The following CACNA2D2 variants were observed in gnomAD, a reference collection of about 807,000 sequenced individuals.
CACNA2D2 encodes the protein voltage-dependent calcium channel subunit alpha-2/delta-2.
CACNA2D2 carries 48 observed loss-of-function variants against 166.4 expected under a neutral mutation model. That is an observed-to-expected ratio of 0.29 (90% confidence interval 0.23 to 0.37). CACNA2D2 has a LOEUF of 0.37. Among genes scored for constraint, CACNA2D2 ranks in the 10% least tolerant of loss-of-function variants. CACNA2D2 has a pLI of 1.00. For missense variants in CACNA2D2, 1,122 were observed against 1,433.0 expected (o/e 0.78, Z 3.50); for synonymous variants, 561 against 573.7 (o/e 0.98, Z 0.32).
At chr3:50,459,877 T>C (rs543463799) in intron 2 of CACNA2D2, among the ~76,000 whole-genome samples, 17 of 152,052 alleles carry the variant, frequency 1.1e-4, no homozygotes, top group Non-Finnish European at 1.6e-4. Context: ...TTCCCAACCA[T>C]CCCATTGATT....
intron 37 of CACNA2D2, 25 bp downstream of exon 37, chr3:50,364,863 C>T (rs1186281132): frequency 8.1e-6 from 13 of 1,613,286 alleles, no homozygotes; most frequent in South Asian, 1.1e-5. Context: ...CGCGGGATTT[C>T]GGGTCCACCG....
In CACNA2D2 at chr3:50,379,464, C is replaced by T. The variant is rs919118587; in HGVS notation, c.1120G>A (p.Gly374Ser). Residue 374 changes from glycine to serine, a missense_variant, in exon 11 of 38, where the codon GGC (glycine) becomes AGC (serine). Physicochemically the swap from Gly to Ser is moderately conservative, Grantham distance 56. Around this residue, in one of 2 missense-constraint regions of CACNA2D2, gnomAD observed 840 missense variants for 1,166.8 expected, o/e 0.72. Transcript: ENST00000424201. The surrounding 1 kb of genome is among the most constrained non-coding windows in gnomAD (Gnocchi z 6.5). ...AGCTGGTCAAAGGCATACTCAAAGC[C>T]GGCCTTGTAGCCTGTGGTGCCCTTG... ...VAKGTTGYKA[G>S]FEYAFDQLQN... The T allele has an allele frequency of 1.2e-6, 2 of 1,613,830 alleles. No homozygotes were observed. The highest frequency in any genetic ancestry group is 1.7e-5 in the Admixed American group (1 of 59,998).
chr3:50,426,616 G>A (rs1707819166), intron 3 of CACNA2D2, among the ~76,000 whole-genome samples: 1 of 152,158 alleles, frequency 6.6e-6, no homozygotes, highest in Non-Finnish European at 1.5e-5. Flanking sequence ...CCTCAGGAGT[G>A]TTGCACACCA....
chr3:50,459,978 C>T (rs1305496099), intron 2 of CACNA2D2, among the ~76,000 whole-genome samples: 2 of 152,206 alleles, frequency 1.3e-5, no homozygotes, highest in African/African-American at 4.8e-5. Context: ...TCCTCTTCAG[C>T]ACCAGGAACT....
At position 50,417,667 on chromosome 3, in the gene CACNA2D2, C is replaced by T. The variant is rs1559928549; in HGVS notation, c.405+16646G>A. ...CCTCCTCCTCCTCACTGTCTTCATG[C>T]CTGTGCAGGCTCCAGGTTTGCACCT... is the stretch of plus-strand genomic sequence containing the variant. On this transcript the variant is annotated intron_variant, in intron 3 of 37. Coordinates refer to ENST00000424201, the MANE Select transcript of CACNA2D2 (RefSeq NM_006030.4). 3.9e-5 allele frequency among the ~76,000 whole-genome samples: 6 copies of T among 152,326 alleles called. No homozygotes were observed. The South Asian group carries it at 1.2e-3, about 32-fold the overall frequency.
At chr3:50,469,380 G>C (rs1709969660) in intron 2 of CACNA2D2, among the ~76,000 whole-genome samples, 1 of 151,438 alleles carries the variant, frequency 6.6e-6, no homozygotes, top group Non-Finnish European at 1.5e-5. Flanking sequence ...TGCCATCTTA[G>C]GGAGATGTCC....
chr3:50,387,987 A>C (rs1185540004), intron 4 of CACNA2D2, among the ~76,000 whole-genome samples: 1 of 152,214 alleles, frequency 6.6e-6, no homozygotes, highest in Non-Finnish European at 1.5e-5. Context: ...GCAGGAGGGA[A>C]ATAATGACTC....
chr3:50,378,096 T>C lies in CACNA2D2; in HGVS notation c.1391A>G (p.Glu464Gly). Residue 464 changes from glutamate (E) to glycine (G), a missense_variant and splice_region_variant, in exon 15 of 38, where the codon GAA (glutamate) becomes GGA (glycine). This residue lies in a region of CACNA2D2 where 840 missense variants were observed against 1,166.8 expected (regional missense o/e 0.72). Transcript: ENST00000424201. Reference protein sequence around the residue: ...SIGAIRINTQEYLDVLGRPMV... With the variant: ...SIGAIRINTQGYLDVLGRPMV... ...GGGCCTGCCCAACACATCTAGATAT[T>C]CCTGGGGAGGGGGCAGTGGTGGGGG... 1 of 1,613,282 alleles carries C rather than the reference T, an allele frequency of 6.2e-7. No homozygotes were observed. The highest frequency in any genetic ancestry group is 8.5e-7 in the Non-Finnish European group (1 of 1,179,900).
chr3:50,479,742 T>C (rs1359973273), intron 1 of CACNA2D2, among the ~76,000 whole-genome samples: 2 of 152,208 alleles, frequency 1.3e-5, no homozygotes, highest in African/African-American at 2.4e-5. Context: ...GGGTCAAAGA[T>C]AAGCTGATCA....
intron 1 of CACNA2D2, among the ~76,000 whole-genome samples, chr3:50,502,746 C>T (rs1699032019): frequency 1.3e-5 from 2 of 152,224 alleles, no homozygotes; most frequent in Admixed American, 1.3e-4. Flanking sequence ...GGAAAAGGCC[C>T]TTGAAGGCAG....
chr3:50,462,433 GATAATA>G (rs1210920646), intron 2 of CACNA2D2, among the ~76,000 whole-genome samples: 1 of 123,978 alleles, frequency 8.1e-6, no homozygotes, highest in African/African-American at 3.2e-5. Context: ...TAATAATAAT[GATAATA>G]ATAATAAAAC....
At chr3:50,463,799 G>A (rs1227770474) in intron 2 of CACNA2D2, among the ~76,000 whole-genome samples, 1 of 152,248 alleles carries the variant, frequency 6.6e-6, no homozygotes, top group African/African-American at 2.4e-5. Flanking sequence ...GTCCCAGGGG[G>A]AGAACGAAGG....
chr3:50,384,948 C>T (rs1193863562), intron 5 of CACNA2D2, among the ~76,000 whole-genome samples: 1 of 152,236 alleles, frequency 6.6e-6, no homozygotes, highest in African/African-American at 2.4e-5. Context: ...ATCTGCTGAC[C>T]TCCAGAGGGA....
At chr3:50,422,058 C>T (rs1003237163) in intron 3 of CACNA2D2, among the ~76,000 whole-genome samples, 9 of 152,164 alleles carry the variant, frequency 5.9e-5, no homozygotes, top group Non-Finnish European at 1.3e-4. Flanking sequence ...CCCAAAGGCA[C>T]TGCTTCTACC....
At position 50,434,077 on chromosome 3, in the gene CACNA2D2, C is replaced by A. The variant is rs572796153; in HGVS notation, c.405+236G>T. Reference sequence around the variant, plus strand: ...CCTGCCCCAGTCCCAGCCTCAGGATCACACAGAGCCCCAAGACTCCAAGTC... The same window carrying A: ...CCTGCCCCAGTCCCAGCCTCAGGATAACACAGAGCCCCAAGACTCCAAGTC... On this transcript the variant is annotated intron_variant, in intron 3 of 37. Transcript: ENST00000424201. 3.9e-5 allele frequency among the ~76,000 whole-genome samples: 6 copies of A among 152,336 alleles called. No homozygotes were observed. In the East Asian group the frequency reaches 1.2e-3, roughly 29 times the overall value.
intron 13 of CACNA2D2, 79 bp downstream of exon 13, chr3:50,378,836 T>C (rs1339961632): frequency 3.3e-6 from 5 of 1,531,100 alleles, no homozygotes; most frequent in Non-Finnish European, 3.6e-6. Flanking sequence ...GCTGGACATA[T>C]GGATGGCCAG....
Position 50,375,479 on chromosome 3 carries a change from A to G in CACNA2D2, c.1907+165T>C, listed in dbSNP as rs1704921721. 6.6e-6 allele frequency among the ~76,000 whole-genome samples: 1 copy of G among 152,200 alleles called. No homozygotes were observed. Among genetic ancestry groups the G allele is most frequent in the Non-Finnish European group, 1.5e-5 (1 of 68,024 alleles). ...ACCTGCTGCTTGTTCCTTAAAAGCC[A>G]GGGAGTCTCTTGGCAGACTAAGCAT... On this transcript the variant is annotated intron_variant, in intron 21 of 37. Transcript: ENST00000424201. The surrounding 1 kb of genome is among the most constrained non-coding windows in gnomAD (Gnocchi z 4.0).
At chr3:50,413,901 C>T (rs1487716490) in intron 3 of CACNA2D2, among the ~76,000 whole-genome samples, 2 of 152,020 alleles carry the variant, frequency 1.3e-5, no homozygotes, top group Admixed American at 1.3e-4. Flanking sequence ...GCCAGGGTTT[C>T]GGTTGCCAGG....
intron 2 of CACNA2D2, among the ~76,000 whole-genome samples, chr3:50,437,649 A>G (rs1364241956): frequency 1.3e-5 from 2 of 152,190 alleles, no homozygotes; most frequent in Non-Finnish European, 2.9e-5. Flanking sequence ...AGATGGTCCC[A>G]TCCTGGGAGA....
Sources: gnomAD v4.1 joint callset for allele counts (sites outside exome capture counted in the v4.1 genomes callset) on GRCh38, gnomAD v4.1.1 for gene constraint, gnomAD v4.1.1 regional missense constraint, Gnocchi (gnomAD v3.1) non-coding constraint, MANE v1.5 for transcripts, NCBI Gene and HGNC (gene_info 2026-07-23, HGNC 2026-07-21) for gene names.